Variants in GRIN3A observed in about 807,000 individuals in gnomAD.
GRIN3A encodes the protein glutamate receptor ionotropic, NMDA 3A.
Under a neutral mutation model 92.4 loss-of-function variants are expected in GRIN3A, and 47 were observed. That is an observed-to-expected ratio of 0.51 (90% CI 0.40 to 0.65). The LOEUF (loss-of-function observed/expected upper bound fraction) is 0.65, where lower values mean the gene tolerates loss of function less well. GRIN3A is among the 30% of genes least tolerant of loss of function. The pLI, the probability that GRIN3A is intolerant of heterozygous loss-of-function variation, is 0.00. For synonymous variants in GRIN3A, 527 were observed against 540.6 expected, an observed-to-expected ratio of 0.97 and a Z score of 0.35; for missense variants, 1,324 against 1,393.1, an observed-to-expected ratio of 0.95 and a Z score of 0.79.
intron 3 of GRIN3A, among the ~76,000 whole-genome samples, chr9:101,645,419 CT>C (rs1193113207): frequency 1.3e-5 from 2 of 151,816 alleles, no homozygotes; most frequent in Non-Finnish European, 2.9e-5. Context: ...AATTACATAT[CT>C]TTGCTATTGT....
At chr9:101,683,181 T>C (rs879460357) in intron 2 of GRIN3A, among the ~76,000 whole-genome samples, 1 of 152,158 alleles carries the variant, frequency 6.6e-6, no homozygotes, top group African/African-American at 2.4e-5. Context: ...GAAATGACTT[T>C]TCTAATCTGA....
chr9:101,635,232 A>G (rs1470826533), intron 3 of GRIN3A, among the ~76,000 whole-genome samples: 2 of 152,064 alleles, frequency 1.3e-5, no homozygotes, highest in East Asian at 3.9e-4. Context: ...CATTGCATCA[A>G]GTCTCTTGTA....
In GRIN3A at chr9:101,738,312, C is replaced by A. The variant is rs1175389046; in HGVS notation, c.-333G>T. On this transcript the variant is annotated 5_prime_UTR_variant, in exon 1 of 9. Transcript: ENST00000361820. The stretch of plus-strand genomic sequence containing the variant: ...CATCTGCAGGGCGCCTCGGGCACTG[C>A]GTCCGGCCCCGCGAGGCGGCCGGGA... The A allele has an allele frequency of 2.0e-5, 7 of 351,894 alleles. No homozygotes were observed. The highest frequency in any genetic ancestry group is 3.6e-5 in the Non-Finnish European group (7 of 192,226). The allele number at this position is 351,894 out of a possible 1,614,324, so 21.8% of individuals were successfully genotyped here. A position where few individuals can be genotyped will look rare whatever the true frequency, so the allele number is the denominator to read the frequency against.
chr9:101,687,230 TAGAA>T, intron 1 of GRIN3A, 30 bp from the exon 2 acceptor site: 1 of 1,612,276 alleles, frequency 6.2e-7, no homozygotes, highest in Non-Finnish European at 8.5e-7. Flanking sequence ...AAAGAAGAAT[TAGAA>T]AGCATTGGCC....
chr9:101,655,398 T>C (rs537225044), intron 3 of GRIN3A, among the ~76,000 whole-genome samples: 2 of 152,056 alleles, frequency 1.3e-5, no homozygotes, highest in Admixed American at 6.6e-5. Flanking sequence ...AAACTTATGG[T>C]AATTCACAAG....
intron 1 of GRIN3A, among the ~76,000 whole-genome samples, chr9:101,716,988 A>G (rs1829955651): frequency 6.6e-6 from 1 of 152,146 alleles, no homozygotes; most frequent in Admixed American, 6.5e-5. Context: ...GTGACATACG[A>G]TATCACTACT....
chr9:101,692,071 GTGAC>G (rs1251952985), intron 1 of GRIN3A, among the ~76,000 whole-genome samples: 21 of 152,336 alleles, frequency 1.4e-4, no homozygotes, highest in African/African-American at 5.0e-4. Flanking sequence ...ACTGTTGGAA[GTGAC>G]TGACTGCAAT....
chr9:101,614,587 AT>A (rs896855623), intron 5 of GRIN3A, among the ~76,000 whole-genome samples: 5 of 145,562 alleles, frequency 3.4e-5, no homozygotes, highest in Non-Finnish European at 6.0e-5. Context: ...AGGAATACAT[AT>A]ATATGCATAT....
In GRIN3A at chr9:101,730,381, A is replaced by G. The variant is rs137915772; in HGVS notation, c.699+6900T>C. ...AGTTTTTATGAATCTTGCCACGTCA[A>G]CACTTTATGCTAAAAGAACAATTAT... On this transcript the variant is annotated intron_variant, in intron 1 of 8. Coordinates refer to ENST00000361820, the MANE Select transcript of GRIN3A (RefSeq NM_133445.3). Among the ~76,000 whole-genome samples the G allele has an allele frequency of 3.2e-3, 483 of 152,298 alleles. 1 individual carries two copies. The highest frequency in any genetic ancestry group is 5.8e-3 in the Admixed American group (89 of 15,300).
chr9:101,647,859 T>C (rs1041352077), intron 3 of GRIN3A, among the ~76,000 whole-genome samples: 1 of 151,992 alleles, frequency 6.6e-6, no homozygotes, highest in Non-Finnish European at 1.5e-5. Context: ...TGGTTTTATT[T>C]GTTTGCATCT....
chr9:101,590,616 G>A (rs568228434), intron 6 of GRIN3A, among the ~76,000 whole-genome samples: 6 of 152,058 alleles, frequency 3.9e-5, no homozygotes, highest in South Asian at 2.1e-4. Context: ...TCCTGACCTC[G>A]TGATCTGCCC....
intron 1 of GRIN3A, among the ~76,000 whole-genome samples, chr9:101,716,601 A>G (rs1181049426): frequency 6.6e-6 from 1 of 152,080 alleles, no homozygotes; most frequent in Admixed American, 6.5e-5. Flanking sequence ...TTTACATTAT[A>G]TACTTATTCT....
intron 3 of GRIN3A, among the ~76,000 whole-genome samples, chr9:101,660,729 C>T (rs554165081): frequency 2.6e-5 from 4 of 151,522 alleles, no homozygotes; most frequent in Non-Finnish European, 5.9e-5. Context: ...CTGTCCAATG[C>T]CAGATTGTCC....
intron 5 of GRIN3A, among the ~76,000 whole-genome samples, chr9:101,614,683 C>T (rs1282721150): frequency 7.2e-6 from 1 of 139,224 alleles, no homozygotes; most frequent in Non-Finnish European, 1.5e-5. Context: ...GCCATGGTGC[C>T]ATCATGGCTC....
intron 1 of GRIN3A, among the ~76,000 whole-genome samples, chr9:101,707,323 C>A (rs181913465): frequency 6.6e-6 from 1 of 152,270 alleles, no homozygotes; most frequent in East Asian, 1.9e-4. Context: ...TTACTATCAC[C>A]AATTATTGTT....
At chr9:101,614,608 A>ATTTTTTTTTTTTTTTTTTTTTT (rs1564126676) in intron 5 of GRIN3A, among the ~76,000 whole-genome samples, 1 of 128,360 alleles carries the variant, frequency 7.8e-6, no homozygotes, top group African/African-American at 3.0e-5. Flanking sequence ...TATATGTGAT[A>ATTTTTTTTTTTTTTTTTTTTTT]CTTTTTTTTT....
At chr9:101,594,463 G>A in intron 6 of GRIN3A, 1 of 1,614,112 alleles carries the variant, frequency 6.2e-7, no homozygotes, top group South Asian at 1.1e-5. Context: ...CCACAGCACT[G>A]AATTCCTCAA....
intron 6 of GRIN3A, among the ~76,000 whole-genome samples, chr9:101,607,854 C>T (rs1412828513): frequency 1.3e-5 from 2 of 152,158 alleles, no homozygotes; most frequent in Non-Finnish European, 2.9e-5. Flanking sequence ...AAAAAATAGC[C>T]GTTTGAGACT....
At chr9:101,610,899 C>T (rs955107268) in intron 6 of GRIN3A, among the ~76,000 whole-genome samples, 4 of 151,970 alleles carry the variant, frequency 2.6e-5, no homozygotes, top group Non-Finnish European at 5.9e-5. Context: ...GAGATCAAGA[C>T]CATCCTGGCT....
Sources: allele counts gnomAD v4.1 joint callset (sites outside exome capture counted in the v4.1 genomes callset), GRCh38; gene constraint gnomAD v4.1.1; transcripts MANE v1.5; gene names NCBI Gene and HGNC (gene_info 2026-07-23, HGNC 2026-07-21).